The following DCLK2 variants were observed in gnomAD, a reference collection of about 807,000 sequenced individuals.
DCLK2 encodes serine/threonine-protein kinase DCLK2.
In DCLK2, 31 loss-of-function variants were observed where a neutral mutation model predicts 78.4. That is an observed-to-expected ratio of 0.40 (90% CI 0.30 to 0.53). DCLK2 has a LOEUF of 0.53. Ranked by LOEUF, DCLK2 falls within the 20% of genes least tolerant of loss-of-function variation. The probability of loss-of-function intolerance (pLI) is 0.61; values close to 1 mark genes in which losing one functional copy is unlikely to be tolerated. For missense variants in DCLK2, 872 were observed against 973.7 expected (o/e 0.90, Z 1.39); for synonymous variants, 407 against 374.9 (o/e 1.09, Z -0.99).
chr4:150,255,930 C>T (rs1023820618), intron 15 of DCLK2, 90 bp from the exon 16 acceptor site: 90 of 1,505,200 alleles, frequency 6.0e-5, no homozygotes, highest in Middle Eastern at 5.2e-4. Flanking sequence ...TTCTGAGGCC[C>T]GTGCATGCTC....
chr4:150,202,216 A>T (rs1739509976), intron 4 of DCLK2, among the ~76,000 whole-genome samples: 1 of 152,226 alleles, frequency 6.6e-6, no homozygotes, highest in Non-Finnish European at 1.5e-5. Flanking sequence ...AAGTTTTTTT[A>T]GAAGAAATAA....
intron 2 of DCLK2, among the ~76,000 whole-genome samples, chr4:150,185,938 A>G (rs901917030): frequency 6.2e-4 from 94 of 152,234 alleles, no homozygotes; most frequent in African/African-American, 2.1e-3. Flanking sequence ...CATTTGGAAA[A>G]CTTAGATGGA....
chr4:150,236,213 A>C (rs78539885), intron 10 of DCLK2, among the ~76,000 whole-genome samples: 3,083 of 152,276 alleles, frequency 0.02, 107 homozygotes, highest in African/African-American at 0.07. Flanking sequence ...GCGTTTGAAC[A>C]CTGCAGGGCT....
intron 2 of DCLK2, among the ~76,000 whole-genome samples, chr4:150,117,934 G>A (rs1323613537): frequency 3.3e-5 from 5 of 152,138 alleles, no homozygotes; most frequent in African/African-American, 4.8e-5. Context: ...TGGAAAAATT[G>A]TATATTCATA....
At chr4:150,242,247 A>G (rs1430087067) in intron 12 of DCLK2, among the ~76,000 whole-genome samples, 1 of 152,212 alleles carries the variant, frequency 6.6e-6, no homozygotes, top group Non-Finnish European at 1.5e-5. Context: ...TAAGCAGAGC[A>G]TGAGGGAGTG....
intron 10 of DCLK2, among the ~76,000 whole-genome samples, chr4:150,239,034 TG>T (rs528423924): frequency 7.9e-4 from 120 of 152,290 alleles, no homozygotes; most frequent in African/African-American, 2.8e-3. Context: ...CACCATTTCT[TG>T]GGCTCTCAAG....
intron 2 of DCLK2, among the ~76,000 whole-genome samples, chr4:150,117,073 G>T (rs372450092): frequency 6.6e-6 from 1 of 152,124 alleles, no homozygotes; most frequent in Non-Finnish European, 1.5e-5. Flanking sequence ...CCAGGTGGGG[G>T]CTGGATAAGG....
At chr4:150,213,608 TA>T (rs1017113042) in intron 5 of DCLK2, among the ~76,000 whole-genome samples, 30 of 151,700 alleles carry the variant, frequency 2.0e-4, no homozygotes, top group East Asian at 7.7e-4. Context: ...TATTTTTTTT[TA>T]AAAAAAAATT....
intron 1 of DCLK2, among the ~76,000 whole-genome samples, chr4:150,092,465 TACCTTTTTTAAAA>T (rs1032321754): frequency 6.6e-6 from 1 of 152,294 alleles, no homozygotes; most frequent in African/African-American, 2.4e-5. Flanking sequence ...TCTTCTCTAA[TACCTTTTTTAAAA>T]AAACCCATTC....
chr4:150,123,845 C>G (rs932770865), intron 2 of DCLK2, among the ~76,000 whole-genome samples: 1 of 152,020 alleles, frequency 6.6e-6, no homozygotes, highest in Non-Finnish European at 1.5e-5. Context: ...AGTTCAAGAC[C>G]AGCTTGGGCA....
At chr4:150,145,819 T>A (rs920090062) in intron 2 of DCLK2, among the ~76,000 whole-genome samples, 8 of 152,212 alleles carry the variant, frequency 5.3e-5, no homozygotes, top group African/African-American at 1.9e-4. Flanking sequence ...GCTGCAAAGC[T>A]TGTATTTCTT....
At chr4:150,234,919 C>T (rs1044098875) in intron 10 of DCLK2, among the ~76,000 whole-genome samples, 1 of 152,302 alleles carries the variant, frequency 6.6e-6, no homozygotes, top group South Asian at 2.1e-4. Context: ...GCTCCTCCAC[C>T]GTCGAACTGA....
chr4:150,246,249 G>A (rs2126619096), intron 12 of DCLK2, among the ~76,000 whole-genome samples: 1 of 152,242 alleles, frequency 6.6e-6, no homozygotes, highest in East Asian at 1.9e-4. Context: ...GTTTCACCAA[G>A]TTGGTCAGGC....
At chr4:150,176,991 A>AG (rs1434663736) in intron 2 of DCLK2, among the ~76,000 whole-genome samples, 1 of 152,262 alleles carries the variant, frequency 6.6e-6, no homozygotes, top group Non-Finnish European at 1.5e-5. Flanking sequence ...TCTGAATGCA[A>AG]GAAAAAGATA....
chr4:150,084,369 T>C (rs1259459485), intron 1 of DCLK2, among the ~76,000 whole-genome samples: 3 of 152,206 alleles, frequency 2.0e-5, no homozygotes, highest in African/African-American at 7.2e-5. Flanking sequence ...TTTTGGAAAA[T>C]TGGATTACAT....
intron 2 of DCLK2, among the ~76,000 whole-genome samples, chr4:150,181,648 G>A (rs553673712): frequency 6.6e-6 from 1 of 151,250 alleles, no homozygotes; most frequent in Admixed American, 6.6e-5. Flanking sequence ...CAAACCAAAT[G>A]TAGGGAGCTG....
chr4:150,081,830 TA>T (rs144505113), intron 1 of DCLK2, among the ~76,000 whole-genome samples: 39,813 of 142,670 alleles, frequency 0.28, 6,627 homozygotes, highest in Non-Finnish European at 0.4. Context: ...CATCTCTACT[TA>T]AAAAAAAAAA....
chr4:150,080,220 C>T (rs1729153132), intron 1 of DCLK2, among the ~76,000 whole-genome samples: 1 of 151,990 alleles, frequency 6.6e-6, no homozygotes, highest in African/African-American at 2.4e-5. Context: ...TCTCTCCAGC[C>T]TTATCCTCTA....
chr4:150,229,577 G>A (rs773630270), intron 8 of DCLK2, among the ~76,000 whole-genome samples: 2 of 152,094 alleles, frequency 1.3e-5, no homozygotes, highest in Non-Finnish European at 2.9e-5. Context: ...TTATGGGCTG[G>A]GATGGGTTGA....
Sources: gnomAD v4.1 joint callset for allele counts (sites outside exome capture counted in the v4.1 genomes callset) on GRCh38, gnomAD v4.1.1 for gene constraint, MANE v1.5 for transcripts, NCBI Gene and HGNC (gene_info 2026-07-23, HGNC 2026-07-21) for gene names.